The following KIF26B variants were observed in gnomAD, a reference collection of about 807,000 sequenced individuals.
KIF26B encodes kinesin-like protein KIF26B.
KIF26B carries 63 observed loss-of-function variants against 151.2 expected under a neutral mutation model. The ratio of observed to expected loss-of-function variants is 0.42; its 90% CI spans 0.34 to 0.51. KIF26B has a LOEUF of 0.51. Ranked by LOEUF, KIF26B falls within the 20% of genes least tolerant of loss-of-function variation. KIF26B has a pLI of 0.07. For synonymous variants in KIF26B, 1,357 were observed against 1,262.1 expected (o/e 1.08, Z -1.59); for missense variants, 2,813 against 2,913.6 (o/e 0.97, Z 0.79).
At chr1:245,181,674 C>T (rs2103527785) in intron 2 of KIF26B, among the ~76,000 whole-genome samples, 1 of 152,096 alleles carries the variant, frequency 6.6e-6, no homozygotes, top group Middle Eastern at 3.4e-3. Flanking sequence ...TTTCAAAGTA[C>T]TTCATGTTTT....
In KIF26B at chr1:245,357,067, T is replaced by G. The variant is rs576149169; in HGVS notation, c.466-9767T>G. ...CAGCCAGAAGGCTTTCATGGCTGGT[T>G]CAGGCTGAGTCAGGGAACAAGTGTA... On this transcript the variant is annotated intron_variant, in intron 2 of 14. Coordinates refer to ENST00000407071, the MANE Select transcript of KIF26B (RefSeq NM_018012.4). Among the ~76,000 whole-genome samples, 492 of 152,252 alleles carry G rather than the reference T, an allele frequency of 3.2e-3. 2 individuals are homozygous for G. Among genetic ancestry groups the G allele is most frequent in the African/African-American group, 0.011 (473 of 41,558 alleles).
chr1:245,485,528 C>T (rs1012888682), intron 4 of KIF26B, among the ~76,000 whole-genome samples: 18 of 151,992 alleles, frequency 1.2e-4, no homozygotes, highest in Admixed American at 2.0e-4. Flanking sequence ...GGATTACAGG[C>T]GCCTGCCACC....
chr1:245,242,720 C>T (rs772727807), intron 2 of KIF26B, among the ~76,000 whole-genome samples: 19 of 152,068 alleles, frequency 1.2e-4, no homozygotes, highest in African/African-American at 3.6e-4. Flanking sequence ...GGCGTGATCT[C>T]GGCTCACTGC....
At chr1:245,492,562 G>C (rs71636560) in intron 4 of KIF26B, among the ~76,000 whole-genome samples, 5,060 of 152,260 alleles carry the variant, frequency 0.033, 131 homozygotes, top group Non-Finnish European at 0.05. Flanking sequence ...GAAAAACAAA[G>C]GCGGCACGCC....
chr1:245,471,123 G>GTATATATATATATATA (rs200717016), intron 4 of KIF26B, among the ~76,000 whole-genome samples: 32 of 139,564 alleles, frequency 2.3e-4, no homozygotes, highest in African/African-American at 7.1e-4. Flanking sequence ...GTATGTGTGT[G>GTATATATATATATATA]TGTGTGTGTA....
In KIF26B at chr1:245,268,470, A is replaced by AAATAATAAT. The variant is rs59590596; in HGVS notation, c.466-98325_466-98317dup. ...GGTGATGGAGCGAGACTCCATCTCC[A>AAATAATAAT]AATAATAATAATAATAATAATAATA... is the stretch of plus-strand genomic sequence containing the variant. On this transcript the variant is annotated intron_variant, in intron 2 of 14. Transcript: ENST00000407071. Among the ~76,000 whole-genome samples the AAATAATAAT allele has an allele frequency of 4.4e-3, 594 of 134,738 alleles. 3 individuals are homozygous for AAATAATAAT. The highest frequency in any genetic ancestry group is 4.4e-3 in the Non-Finnish European group (283 of 64,366). 88.4% of individuals were successfully genotyped at this position (134,738 alleles called of 152,430 possible).
At chr1:245,287,058 G>A (rs749732875) in intron 2 of KIF26B, among the ~76,000 whole-genome samples, 5 of 151,852 alleles carry the variant, frequency 3.3e-5, no homozygotes, top group Admixed American at 6.6e-5. Flanking sequence ...GCAGTGAGCC[G>A]AGATCTTGCC....
At chr1:245,168,922 C>G (rs987002958) in intron 2 of KIF26B, among the ~76,000 whole-genome samples, 1 of 152,216 alleles carries the variant, frequency 6.6e-6, no homozygotes, top group Non-Finnish European at 1.5e-5. Context: ...AAGGTTGCCT[C>G]TTTAAAATAT....
intron 3 of KIF26B, among the ~76,000 whole-genome samples, chr1:245,401,984 A>T (rs985858424): frequency 6.6e-6 from 1 of 152,142 alleles, no homozygotes; most frequent in African/African-American, 2.4e-5. Context: ...GCAGCAGTCA[A>T]CAGGGAAGAG....
chr1:245,576,842 A>AT (rs910631692), intron 5 of KIF26B, among the ~76,000 whole-genome samples: 1 of 151,854 alleles, frequency 6.6e-6, no homozygotes. Context: ...GGAAATTGGG[A>AT]TTTTTTTCCT....
intron 10 of KIF26B, among the ~76,000 whole-genome samples, chr1:245,669,423 T>A (rs1393408065): frequency 6.6e-6 from 1 of 152,216 alleles, no homozygotes; most frequent in Non-Finnish European, 1.5e-5. Context: ...AGAAAATATT[T>A]GTAAATCATA....
chr1:245,282,393 C>G (rs1671073489), intron 2 of KIF26B, among the ~76,000 whole-genome samples: 1 of 152,218 alleles, frequency 6.6e-6, no homozygotes. Context: ...AGCCCAGTCT[C>G]TTAGAGCCAG....
At chr1:245,185,712 T>C (rs1012114033) in intron 2 of KIF26B, among the ~76,000 whole-genome samples, 8 of 152,222 alleles carry the variant, frequency 5.3e-5, no homozygotes, top group Non-Finnish European at 1.2e-4. Flanking sequence ...TTATATTTTC[T>C]TAAGATGATC....
At chr1:245,643,089 C>T (rs965941883) in intron 9 of KIF26B, among the ~76,000 whole-genome samples, 4 of 152,178 alleles carry the variant, frequency 2.6e-5, no homozygotes, top group Non-Finnish European at 4.4e-5. Context: ...CACACTTACA[C>T]GTTTAAATGA....
intron 2 of KIF26B, among the ~76,000 whole-genome samples, chr1:245,190,405 C>G (rs924763898): frequency 5.9e-5 from 9 of 152,048 alleles, no homozygotes; most frequent in African/African-American, 1.9e-4. Flanking sequence ...GCTGCAGGGT[C>G]TTTAGCCTGG....
intron 2 of KIF26B, among the ~76,000 whole-genome samples, chr1:245,232,709 C>G (rs1670023580): frequency 6.6e-6 from 1 of 152,130 alleles, no homozygotes. Context: ...AGCCACCACT[C>G]CCGGCTAATT....
intron 4 of KIF26B, among the ~76,000 whole-genome samples, chr1:245,521,161 C>A (rs1415551256): frequency 1.3e-5 from 2 of 152,044 alleles, no homozygotes; most frequent in Non-Finnish European, 2.9e-5. Context: ...CACGGTGAAA[C>A]CCCGTCTTTA....
chr1:245,701,631 T>C (rs913489751), intron 14 of KIF26B, among the ~76,000 whole-genome samples: 3 of 152,128 alleles, frequency 2.0e-5, no homozygotes, highest in African/African-American at 7.2e-5. Flanking sequence ...GTGTTCATTA[T>C]TATCTCATTT....
At chr1:245,237,175 T>A (rs960343550) in intron 2 of KIF26B, among the ~76,000 whole-genome samples, 17 of 152,192 alleles carry the variant, frequency 1.1e-4, no homozygotes, top group African/African-American at 4.1e-4. Context: ...TTCTTGCCCA[T>A]TGCCCCTGGT....
Sources: gnomAD v4.1 joint callset for allele counts (sites outside exome capture counted in the v4.1 genomes callset) on GRCh38, gnomAD v4.1.1 for gene constraint, MANE v1.5 for transcripts, NCBI Gene and HGNC (gene_info 2026-07-23, HGNC 2026-07-21) for gene names.